The following DOCK5 variants were observed in gnomAD, a reference collection of about 807,000 sequenced individuals.
DOCK5 encodes the protein dedicator of cytokinesis 5.
A neutral mutation model predicts 251.8 loss-of-function variants in DOCK5; 142 were observed. That is an observed-to-expected ratio of 0.56 (90% CI 0.49 to 0.65). The LOEUF (loss-of-function observed/expected upper bound fraction) is 0.65, where lower values mean the gene tolerates loss of function less well. Ranked by LOEUF, DOCK5 falls within the 30% of genes least tolerant of loss-of-function variation. DOCK5 has a pLI of 0.00. For synonymous variants in DOCK5, 842 were observed against 835.5 expected, an observed-to-expected ratio of 1.01 and a Z score of -0.13; for missense variants, 2,111 against 2,312.3, an observed-to-expected ratio of 0.91 and a Z score of 1.79.
intron 1 of DOCK5, among the ~76,000 whole-genome samples, chr8:25,198,619 C>G (rs908794426): frequency 6.6e-6 from 1 of 151,896 alleles, no homozygotes; most frequent in African/African-American, 2.4e-5. Flanking sequence ...TTGTCAAAAT[C>G]TAACAGTTTT....
intron 35 of DOCK5, 139 bp from the exon 36 acceptor site, chr8:25,373,479 G>T: frequency 1.3e-6 from 1 of 796,586 alleles, no homozygotes. Flanking sequence ...CTTTTCTTAT[G>T]GGGATATTTG....
chr8:25,195,911 G>A (rs1801713476), intron 1 of DOCK5, among the ~76,000 whole-genome samples: 1 of 152,180 alleles, frequency 6.6e-6, no homozygotes, highest in African/African-American at 2.4e-5. Flanking sequence ...AATATATGCT[G>A]TATGAATAAA....
rs1224349605 is a variant in DOCK5 at position 25,415,222 on chromosome 8, C to T, written c.*3924C>T. The T allele has an allele frequency of 6.6e-6, 1 of 152,110 alleles. No individual in the cohort carries two copies. The highest frequency in any genetic ancestry group is 2.4e-5 in the African/African-American group (1 of 41,426). The allele number at this position is 152,110 out of a possible 1,614,324, so 9.4% of individuals were successfully genotyped here. ...CATAATTTGTGCAACATCTTATAAA[C>T]AATGTCATTTCCATAGTAGTCTAAG... On this transcript the variant is annotated 3_prime_UTR_variant, in exon 52 of 52. Coordinates refer to ENST00000276440, the MANE Select transcript of DOCK5 (RefSeq NM_024940.8).
At position 25,235,860 on chromosome 8, in the gene DOCK5, C is replaced by T. The variant is rs922383452; in HGVS notation, c.44-7814C>T. Among the ~76,000 whole-genome samples the T allele has an allele frequency of 6.9e-5, 10 of 145,612 alleles. No individual in the cohort carries two copies. The East Asian group carries it at 8.1e-4, about 12-fold the overall frequency. On this transcript the variant is annotated intron_variant, in intron 1 of 51. Coordinates refer to ENST00000276440, the MANE Select transcript of DOCK5 (RefSeq NM_024940.8). The stretch of plus-strand genomic sequence containing the variant: ...TCGTGCAGGCTGGAGTGCAGTGGCA[C>T]GATCTCAGCTCACTGCAACCTCCAC...
intron 29 of DOCK5, among the ~76,000 whole-genome samples, chr8:25,363,479 A>G (rs998631457): frequency 2.0e-5 from 3 of 152,168 alleles, no homozygotes; most frequent in Non-Finnish European, 2.9e-5. Context: ...TGTCTGTTCT[A>G]TGACCGGTCC....
At chr8:25,231,909 G>T (rs543386913) in intron 1 of DOCK5, among the ~76,000 whole-genome samples, 1 of 152,098 alleles carries the variant, frequency 6.6e-6, no homozygotes, top group African/African-American at 2.4e-5. Context: ...TATCTATTAA[G>T]ATGATCATAT....
At chr8:25,331,564 C>A (rs1444757039) in intron 18 of DOCK5, among the ~76,000 whole-genome samples, 1 of 151,914 alleles carries the variant, frequency 6.6e-6, no homozygotes, top group African/African-American at 2.4e-5. Context: ...AAATAGCCAC[C>A]TGTCTGATTT....
intron 1 of DOCK5, among the ~76,000 whole-genome samples, chr8:25,207,460 T>C (rs1760716855): frequency 6.6e-6 from 1 of 152,202 alleles, no homozygotes; most frequent in South Asian, 2.1e-4. Context: ...GCTGACCCTC[T>C]TGTTAGGGGC....
At position 25,345,583 on chromosome 8, in the gene DOCK5, T is replaced by A; in HGVS notation, c.2726T>A (p.Ile909Asn). The A allele has an allele frequency of 6.2e-7, 1 of 1,613,848 alleles. No homozygotes were observed. Among genetic ancestry groups the A allele is most frequent in the Non-Finnish European group, 8.5e-7 (1 of 1,179,884 alleles). The change falls in exon 26 of 52, where the codon ATC becomes AAC. Residue 909 changes from isoleucine (I) to asparagine (N), a missense_variant. Ile to Asn is a moderately radical substitution (Grantham distance 149, BLOSUM62 -3). Coordinates refer to ENST00000276440, the MANE Select transcript of DOCK5 (RefSeq NM_024940.8). ...GCAAGCTCGCAGCTTCTGAGCAACATCCTGGAGGTGCTGGACAGGAAGGAT... is the reference window on the plus strand; with the variant it reads ...GCAAGCTCGCAGCTTCTGAGCAACAACCTGGAGGTGCTGGACAGGAAGGAT... ...HEASSQLLSN[I>N]LEVLDRKDVG...
intron 16 of DOCK5, among the ~76,000 whole-genome samples, chr8:25,323,023 G>T (rs956295187): frequency 6.6e-6 from 1 of 152,212 alleles, no homozygotes; most frequent in Admixed American, 6.5e-5. Context: ...CTCCACCACT[G>T]TGGGGACCCA....
At chr8:25,279,648 C>T (rs1302807168) in intron 5 of DOCK5, among the ~76,000 whole-genome samples, 9 of 152,120 alleles carry the variant, frequency 5.9e-5, no homozygotes, top group Non-Finnish European at 8.8e-5. Flanking sequence ...GATGGAGTCT[C>T]GCTCTGTCAC....
intron 1 of DOCK5, among the ~76,000 whole-genome samples, chr8:25,186,796 T>C (rs1383188526): frequency 1.3e-5 from 2 of 152,196 alleles, no homozygotes; most frequent in East Asian, 3.8e-4. Context: ...AATGCAAACA[T>C]GTTTCAAAAA....
At chr8:25,214,693 G>T (rs927505434) in intron 1 of DOCK5, among the ~76,000 whole-genome samples, 5 of 152,096 alleles carry the variant, frequency 3.3e-5, no homozygotes, top group African/African-American at 1.2e-4. Context: ...TATCCTGTGG[G>T]AATAGTCTTA....
chr8:25,398,848 A>G lies in DOCK5; in HGVS notation c.4705-1063A>G, dbSNP rs1801389688. ...TCCAAATAGGGTCACATTCTAAGGT[A>G]CCAGGCATTAGGACTTCAGCATAGG... On this transcript the variant is annotated intron_variant, in intron 45 of 51. Coordinates refer to ENST00000276440, the MANE Select transcript of DOCK5 (RefSeq NM_024940.8). Among the ~76,000 whole-genome samples, 4 of 150,694 alleles carry G rather than the reference A, an allele frequency of 2.7e-5. No homozygotes were observed. In the Admixed American group the frequency reaches 2.7e-4, roughly 10 times the overall value.
chr8:25,300,775 T>C, intron 9 of DOCK5, 118 bp downstream of exon 9: 2 of 1,083,678 alleles, frequency 1.8e-6, no homozygotes, highest in Admixed American at 2.3e-5. Flanking sequence ...TCAATCTGCC[T>C]AGCAGGAATA....
At chr8:25,327,128 G>T (rs1258593343) in intron 18 of DOCK5, among the ~76,000 whole-genome samples, 1 of 152,130 alleles carries the variant, frequency 6.6e-6, no homozygotes, top group Admixed American at 6.5e-5. Context: ...CTATTTCAAA[G>T]AATGCAGTAA....
rs1313605919 is a variant in DOCK5, at chr8:25,372,646, G to C, written c.3612G>C (p.Leu1204=). ...ALLVSSLLEN[L]LDYRTIIMQD... Reference sequence around the variant, plus strand: ...TGGTCAGCAGCCTCTTAGAGAACCTGCTGGACTATAGAACCATCATCATGC... The same window carrying C: ...TGGTCAGCAGCCTCTTAGAGAACCTCCTGGACTATAGAACCATCATCATGC... Residue 1204 remains leucine, a synonymous_variant, in exon 35 of 52, where the codon CTG becomes CTC. Coordinates refer to ENST00000276440, the MANE Select transcript of DOCK5 (RefSeq NM_024940.8). 24 of 1,610,830 alleles carry C rather than the reference G, an allele frequency of 1.5e-5. No homozygotes were observed. The highest frequency in any genetic ancestry group is 1.7e-5 in the Non-Finnish European group (20 of 1,178,640).
intron 1 of DOCK5, among the ~76,000 whole-genome samples, chr8:25,187,215 A>G (rs1801450243): frequency 6.7e-6 from 1 of 148,224 alleles, no homozygotes; most frequent in Admixed American, 6.8e-5. Flanking sequence ...AAAAAACTAT[A>G]TATACATATA....
rs895803184 is a variant in DOCK5, at chr8:25,384,126, G to T, written c.4131+1348G>T. ...GTCAGCTCCTGATACACACAACTGC[G>T]GGCATGATTCCCACCCACATGCAGC... On this transcript the variant is annotated intron_variant, in intron 40 of 51. Coordinates refer to ENST00000276440, the MANE Select transcript of DOCK5 (RefSeq NM_024940.8). Among the ~76,000 whole-genome samples the T allele has an allele frequency of 3.3e-5, 5 of 152,280 alleles. No homozygotes were observed. The South Asian group carries it at 6.2e-4, about 19-fold the overall frequency.
Sources: gnomAD v4.1 joint callset for allele counts (sites outside exome capture counted in the v4.1 genomes callset) on GRCh38, gnomAD v4.1.1 for gene constraint, MANE v1.5 for transcripts, NCBI Gene and HGNC (gene_info 2026-07-23, HGNC 2026-07-21) for gene names.